Variants in CTNND2 observed in about 807,000 individuals in gnomAD.
The protein encoded by CTNND2 is catenin delta 2.
CTNND2 carries 22 observed loss-of-function variants against 144.4 expected under a neutral mutation model. That is an observed-to-expected ratio of 0.15 (90% CI 0.11 to 0.22). CTNND2 has a LOEUF of 0.22. Ranked by LOEUF, CTNND2 falls within the 10% of genes least tolerant of loss-of-function variation. The pLI is 1.00. For missense variants in CTNND2, 1,353 were observed against 1,618.8 expected, an observed-to-expected ratio of 0.84 and a Z score of 2.82; for synonymous variants, 751 against 695.6, an observed-to-expected ratio of 1.08 and a Z score of -1.25.
At chr5:11,839,265 C>T (rs1158702036) in intron 1 of CTNND2, among the ~76,000 whole-genome samples, 1 of 151,828 alleles carries the variant, frequency 6.6e-6, no homozygotes, top group Non-Finnish European at 1.5e-5. Flanking sequence ...ATCGAATAGC[C>T]AATTTGGTCT....
chr5:11,155,266 G>A (rs13158585), intron 12 of CTNND2, among the ~76,000 whole-genome samples: 6,961 of 152,230 alleles, frequency 0.046, 254 homozygotes, highest in East Asian at 0.091. Flanking sequence ...AAACAACAAT[G>A]AGTGCAAAAC....
chr5:11,851,432 CCT>C (rs1167600172), intron 1 of CTNND2, among the ~76,000 whole-genome samples: 1 of 152,116 alleles, frequency 6.6e-6, no homozygotes, highest in Non-Finnish European at 1.5e-5. Flanking sequence ...TGGTACAGAG[CCT>C]GTTTTCTCAG....
intron 2 of CTNND2, among the ~76,000 whole-genome samples, chr5:11,642,325 T>C (rs1782109582): frequency 6.6e-6 from 1 of 152,102 alleles, no homozygotes. Flanking sequence ...ATCATCAAAT[T>C]ATGTATTTTG....
intron 3 of CTNND2, among the ~76,000 whole-genome samples, chr5:11,496,149 A>T (rs1769915197): frequency 6.6e-6 from 1 of 152,178 alleles, no homozygotes; most frequent in African/African-American, 2.4e-5. Flanking sequence ...ATAAAATAGC[A>T]CCATGAATAC....
At chr5:11,113,065 C>T (rs1415125563) in intron 13 of CTNND2, among the ~76,000 whole-genome samples, 2 of 152,040 alleles carry the variant, frequency 1.3e-5, no homozygotes, top group East Asian at 1.9e-4. Context: ...GGTGTGAACC[C>T]GGAAAGCGGA....
intron 1 of CTNND2, among the ~76,000 whole-genome samples, chr5:11,872,902 G>T (rs1430584374): frequency 6.6e-6 from 1 of 152,124 alleles, no homozygotes; most frequent in Non-Finnish European, 1.5e-5. Context: ...AACCCTAGAA[G>T]AAAACCTAGG....
At chr5:11,833,915 C>T (rs1794040782) in intron 1 of CTNND2, among the ~76,000 whole-genome samples, 1 of 152,148 alleles carries the variant, frequency 6.6e-6, no homozygotes, top group Admixed American at 6.5e-5. Flanking sequence ...ACAATTGAGC[C>T]TTATAGTATG....
chr5:11,364,545 T>C, intron 8 of CTNND2, 151 bp downstream of exon 8: 1 of 561,802 alleles, frequency 1.8e-6, no homozygotes, highest in Non-Finnish European at 2.9e-6. Flanking sequence ...GTTTCTACCA[T>C]TATCATTACA....
At chr5:11,224,101 C>A (rs963888275) in intron 10 of CTNND2, among the ~76,000 whole-genome samples, 1 of 152,180 alleles carries the variant, frequency 6.6e-6, no homozygotes, top group Admixed American at 6.5e-5. Flanking sequence ...GCCTTACCCT[C>A]CAAGTTGATC....
intron 1 of CTNND2, among the ~76,000 whole-genome samples, chr5:11,783,421 T>C (rs1396441738): frequency 6.6e-6 from 1 of 152,088 alleles, no homozygotes; most frequent in Non-Finnish European, 1.5e-5. Flanking sequence ...ACTGGCCCTC[T>C]TCATAATTTG....
chr5:11,131,781 T>G (rs186082973), intron 12 of CTNND2, among the ~76,000 whole-genome samples: 114 of 152,030 alleles, frequency 7.5e-4, no homozygotes, highest in South Asian at 4.6e-3. Context: ...AGAGCGAGAC[T>G]GCGTCTCAAA....
At chr5:11,770,826 C>T (rs1186656424) in intron 1 of CTNND2, among the ~76,000 whole-genome samples, 1 of 151,996 alleles carries the variant, frequency 6.6e-6, no homozygotes, top group Admixed American at 6.6e-5. Flanking sequence ...GAGAGAGACA[C>T]AGAGACAGAG....
chr5:11,607,986 G>A (rs1447508173), intron 2 of CTNND2, among the ~76,000 whole-genome samples: 2 of 152,070 alleles, frequency 1.3e-5, no homozygotes, highest in Non-Finnish European at 1.5e-5. Flanking sequence ...CAACATCTCT[G>A]AATTTTATCA....
intron 16 of CTNND2, among the ~76,000 whole-genome samples, chr5:11,067,715 T>C (rs1477735054): frequency 6.6e-6 from 1 of 152,170 alleles, no homozygotes; most frequent in Non-Finnish European, 1.5e-5. Flanking sequence ...CCCTCTACAA[T>C]TGTCAGTGTT....
At chr5:11,796,364 C>T (rs1335725342) in intron 1 of CTNND2, among the ~76,000 whole-genome samples, 1 of 152,208 alleles carries the variant, frequency 6.6e-6, no homozygotes, top group Non-Finnish European at 1.5e-5. Flanking sequence ...CCAATTACTT[C>T]CCTAGAAACT....
intron 9 of CTNND2, among the ~76,000 whole-genome samples, chr5:11,323,380 C>T (rs1473902817): frequency 6.6e-6 from 1 of 152,070 alleles, no homozygotes; most frequent in Non-Finnish European, 1.5e-5. Context: ...CATACTCTGG[C>T]TCTTAAATTC....
At chr5:11,723,193 A>G (rs904873194) in intron 2 of CTNND2, among the ~76,000 whole-genome samples, 1 of 152,218 alleles carries the variant, frequency 6.6e-6, no homozygotes, top group Non-Finnish European at 1.5e-5. Flanking sequence ...TTGCTGATTC[A>G]TGTACTAATA....
intron 3 of CTNND2, among the ~76,000 whole-genome samples, chr5:11,456,453 T>C (rs1044470493): frequency 4.6e-5 from 7 of 150,940 alleles, no homozygotes; most frequent in African/African-American, 1.7e-4. Flanking sequence ...TTCACATCTG[T>C]GTCCAGACAC....
intron 2 of CTNND2, among the ~76,000 whole-genome samples, chr5:11,628,235 G>T (rs2126456985): frequency 6.6e-6 from 1 of 152,242 alleles, no homozygotes; most frequent in South Asian, 2.1e-4. Context: ...CTTAATTTTA[G>T]ATTAAAATAT....
Sources: allele counts gnomAD v4.1 joint callset (sites outside exome capture counted in the v4.1 genomes callset), GRCh38; gene constraint gnomAD v4.1.1; transcripts MANE v1.5; gene names NCBI Gene and HGNC (gene_info 2026-07-23, HGNC 2026-07-21).